FHIT: variants seen among roughly 807,000 people sequenced by gnomAD.
The protein encoded by FHIT is fragile histidine triad diadenosine triphosphatase.
Under a neutral mutation model 17.9 loss-of-function variants are expected in FHIT, and 19 were observed. The observed-to-expected ratio is 1.06, with a 90% CI of 0.74 to 1.56. FHIT has a LOEUF of 1.56. Among genes scored for constraint, FHIT ranks in the 40% most tolerant of loss-of-function variants. The pLI is 0.00. For synonymous variants in FHIT, 81 were observed against 69.7 expected, an observed-to-expected ratio of 1.16 and a Z score of -0.81; for missense variants, 248 against 189.2, an observed-to-expected ratio of 1.31 and a Z score of -1.82.
chr3:60,285,501 A>C (rs1707682049), intron 5 of FHIT, among the ~76,000 whole-genome samples: 1 of 152,142 alleles, frequency 6.6e-6, no homozygotes, highest in African/African-American at 2.4e-5. Context: ...CCTGTGATGG[A>C]TTTTTCACTT....
At chr3:61,008,121 G>T (rs1450720559) in intron 3 of FHIT, among the ~76,000 whole-genome samples, 1 of 152,136 alleles carries the variant, frequency 6.6e-6, no homozygotes, top group Non-Finnish European at 1.5e-5. Context: ...CCCATCTCCA[G>T]TTCTAGGGAA....
At chr3:61,030,718 G>A (rs1575870775) in intron 3 of FHIT, among the ~76,000 whole-genome samples, 2 of 152,136 alleles carry the variant, frequency 1.3e-5, no homozygotes, top group African/African-American at 4.8e-5. Flanking sequence ...AGCCTTAGAG[G>A]GATCAGGAGG....
intron 4 of FHIT, among the ~76,000 whole-genome samples, chr3:60,792,677 C>G (rs1553728905): frequency 6.6e-6 from 1 of 152,166 alleles, no homozygotes; most frequent in Non-Finnish European, 1.5e-5. Context: ...CTCAGAGGCA[C>G]CACTGCAATC....
chr3:60,955,611 T>TAC lies in FHIT; in HGVS notation c.-111+86435_-111+86436insGT, dbSNP rs1423002899. Reference sequence around the variant, plus strand: ...GCATATATATACATATATATATATATATATATATATATATATATATATACA... The same window carrying TAC: ...GCATATATATACATATATATATATATACATATATATATATATATATATATACA... On this transcript the variant is annotated intron_variant, in intron 3 of 9. Transcript: ENST00000492590. Among the ~76,000 whole-genome samples, 25 of 16,924 alleles carry TAC rather than the reference T, an allele frequency of 1.5e-3. 2 individuals are homozygous for TAC. The highest frequency in any genetic ancestry group is 2.8e-3 in the African/African-American group (23 of 8,160). The allele number at this position is 16,924 out of a possible 152,430, so 11.1% of individuals were successfully genotyped here.
intron 5 of FHIT, among the ~76,000 whole-genome samples, chr3:60,113,792 G>A (rs1704793694): frequency 6.7e-6 from 1 of 149,414 alleles, no homozygotes; most frequent in South Asian, 2.1e-4. Flanking sequence ...ACGAGGTGAG[G>A]AGATCGAGAC....
At chr3:60,872,147 C>T (rs1436302275) in intron 3 of FHIT, among the ~76,000 whole-genome samples, 1 of 152,042 alleles carries the variant, frequency 6.6e-6, no homozygotes, top group Non-Finnish European at 1.5e-5. Flanking sequence ...CTGAATGGGA[C>T]TTTAGTTTGC....
intron 5 of FHIT, among the ~76,000 whole-genome samples, chr3:60,519,764 T>C (rs1403914599): frequency 1.3e-5 from 2 of 152,184 alleles, no homozygotes; most frequent in Non-Finnish European, 2.9e-5. Context: ...TCTCTGCTTC[T>C]TGGGAGCACG....
At chr3:60,079,178 A>T (rs1703164910) in intron 5 of FHIT, among the ~76,000 whole-genome samples, 1 of 152,154 alleles carries the variant, frequency 6.6e-6, no homozygotes, top group Non-Finnish European at 1.5e-5. Context: ...TCCAAAATAC[A>T]ACAACCCATT....
chr3:60,956,913 C>CA lies in FHIT; in HGVS notation c.-111+85133_-111+85134insT, dbSNP rs1553779102. Among the ~76,000 whole-genome samples the CA allele has an allele frequency of 2.0e-3, 302 of 151,960 alleles. 1 individual carries two copies. The highest frequency in any genetic ancestry group is 3.2e-3 in the Non-Finnish European group (217 of 67,982). On this transcript the variant is annotated intron_variant, in intron 3 of 9. Coordinates refer to ENST00000492590, the MANE Select transcript of FHIT (RefSeq NM_002012.4). ...AAATGAATTGTGAATATTTCAGTTT[C>CA]GGGGGGTCACACTGGGCAAACCTGA...
rs73099290 is a variant in FHIT at position 60,707,897 on chromosome 3, T to C, written c.-18+114022A>G. On this transcript the variant is annotated intron_variant, in intron 4 of 9. Coordinates refer to ENST00000492590, the MANE Select transcript of FHIT (RefSeq NM_002012.4). Reference sequence around the variant, plus strand: ...ACATTAGTTTGGGTATACTGTTGCATATTTTTAAATAGTCTTCAAAAGCTA... The same window carrying C: ...ACATTAGTTTGGGTATACTGTTGCACATTTTTAAATAGTCTTCAAAAGCTA... Among the ~76,000 whole-genome samples, 472 of 152,340 alleles carry C rather than the reference T, an allele frequency of 3.1e-3. 2 individuals carry two copies. The highest frequency in any genetic ancestry group is 3.8e-3 in the Non-Finnish European group (259 of 68,020).
chr3:59,978,181 C>T (rs550129571), intron 7 of FHIT, among the ~76,000 whole-genome samples: 82 of 152,204 alleles, frequency 5.4e-4, no homozygotes, highest in South Asian at 4.8e-3. Flanking sequence ...AAGTAACTTA[C>T]TCCAGTTGCA....
At position 60,124,055 on chromosome 3, in the gene FHIT, GAC is replaced by G. The variant is rs1553690936; in HGVS notation, c.104-109905_104-109904del. On this transcript the variant is annotated intron_variant, in intron 5 of 9. Coordinates refer to ENST00000492590, the MANE Select transcript of FHIT (RefSeq NM_002012.4). ...AGAGAGAGAGAGAGAGAGAGAGAGA[GAC>G]AGAGAGAGAGAGAGATACAAAGTCT... 2.1e-3 allele frequency among the ~76,000 whole-genome samples: 251 copies of G among 116,892 alleles called. 2 individuals are homozygous for G. The highest frequency in any genetic ancestry group is 3.5e-3 in the East Asian group (14 of 3,970). 76.7% of individuals were successfully genotyped at this position (116,892 alleles called of 152,430 possible). A position where few individuals can be genotyped will look rare whatever the true frequency, so the allele number is the denominator to read the frequency against.
rs1706816130 is a variant in FHIT, at chr3:60,912,853, T to C, written c.-110-90842A>G. 1.8e-5 allele frequency: 9 copies of C among 495,196 alleles called. 1 individual carries two copies. Among genetic ancestry groups the C allele is most frequent in the South Asian group, 1.4e-4 (9 of 65,386 alleles). 30.7% of individuals were successfully genotyped at this position (495,196 alleles called of 1,614,324 possible). A position where few individuals can be genotyped will look rare whatever the true frequency, so the allele number is the denominator to read the frequency against. ...AAAGCTATATAAGGTCACATTTTAA[T>C]CACCCCTTTGAGTCACTCATCACTG... On this transcript the variant is annotated intron_variant, in intron 3 of 9. Transcript: ENST00000492590.
chr3:60,525,564 G>T (rs1250796904), intron 5 of FHIT, among the ~76,000 whole-genome samples: 5 of 152,144 alleles, frequency 3.3e-5, no homozygotes, highest in Non-Finnish European at 1.5e-5. Flanking sequence ...ACCCTATGTT[G>T]AATCCCTTTC....
intron 5 of FHIT, among the ~76,000 whole-genome samples, chr3:60,024,924 A>T (rs1235451778): frequency 6.6e-6 from 1 of 152,218 alleles, no homozygotes; most frequent in Non-Finnish European, 1.5e-5. Context: ...GCCACTGGGA[A>T]TATCTTTATT....
At chr3:60,372,404 G>C (rs1410321992) in intron 5 of FHIT, among the ~76,000 whole-genome samples, 10 of 152,086 alleles carry the variant, frequency 6.6e-5, no homozygotes, top group African/African-American at 1.2e-4. Context: ...TCCATAATTT[G>C]GCTATTTAGA....
In FHIT at chr3:60,027,148, C is replaced by CACACACAAAAAA. The variant is rs1553654525; in HGVS notation, c.104-12997_104-12996insTTTTTTGTGTGT. ...ACACACACACACACACACACACACACAAAATTAGTAAACCCAATAATCCAC... is the reference window on the plus strand; with the variant it reads ...ACACACACACACACACACACACACACACACACAAAAAAAAAATTAGTAAACCCAATAATCCAC... On this transcript the variant is annotated intron_variant, in intron 5 of 9. Coordinates refer to ENST00000492590, the MANE Select transcript of FHIT (RefSeq NM_002012.4). Among the ~76,000 whole-genome samples the CACACACAAAAAA allele has an allele frequency of 1.6e-3, 205 of 125,836 alleles. 3 individuals carry two copies. The highest frequency in any genetic ancestry group is 5.4e-3 in the African/African-American group (201 of 36,942). 82.6% of individuals were successfully genotyped at this position (125,836 alleles called of 152,430 possible).
intron 5 of FHIT, among the ~76,000 whole-genome samples, chr3:60,453,100 G>C (rs1282166081): frequency 6.6e-6 from 1 of 152,188 alleles, no homozygotes; most frequent in Non-Finnish European, 1.5e-5. Flanking sequence ...TTGACACTTT[G>C]CTCTTTTATG....
chr3:60,579,649 A>G (rs1553658979), intron 4 of FHIT, among the ~76,000 whole-genome samples: 3 of 152,172 alleles, frequency 2.0e-5, no homozygotes, highest in Non-Finnish European at 4.4e-5. Flanking sequence ...ATGCTTATAA[A>G]TTACAGTCTG....
Sources: gnomAD v4.1 joint callset for allele counts (sites outside exome capture counted in the v4.1 genomes callset) on GRCh38, gnomAD v4.1.1 for gene constraint, MANE v1.5 for transcripts, NCBI Gene and HGNC (gene_info 2026-07-23, HGNC 2026-07-21) for gene names.